The following AKAP9 variants were observed in gnomAD, a reference collection of about 807,000 sequenced individuals.
AKAP9 encodes A-kinase anchoring protein 9.
A neutral mutation model predicts 488.5 loss-of-function variants in AKAP9; 311 were observed. That is an observed-to-expected ratio of 0.64 (90% confidence interval 0.58 to 0.70). The LOEUF is 0.70. AKAP9 is among the 30% of genes least tolerant of loss of function. The probability of loss-of-function intolerance (pLI) is 0.00; values close to 1 mark genes in which losing one functional copy is unlikely to be tolerated. For missense variants in AKAP9, 4,215 were observed against 4,374.5 expected (o/e 0.96, Z 1.03); for synonymous variants, 1,462 against 1,483.5 (o/e 0.99, Z 0.33).
At chr7:91,944,079 G>T (rs1006896242) in intron 1 of AKAP9, among the ~76,000 whole-genome samples, 2 of 151,958 alleles carry the variant, frequency 1.3e-5, no homozygotes, top group Admixed American at 6.6e-5. Context: ...ATAGTATACT[G>T]TATAAAATGT....
intron 16 of AKAP9, among the ~76,000 whole-genome samples, chr7:92,032,199 T>G (rs1168733779): frequency 6.6e-6 from 1 of 152,176 alleles, no homozygotes; most frequent in Non-Finnish European, 1.5e-5. Flanking sequence ...CCTGATTGGC[T>G]TTTAATATTG....
intron 3 of AKAP9, among the ~76,000 whole-genome samples, chr7:91,990,731 G>T (rs760103516): frequency 6.6e-6 from 1 of 152,080 alleles, no homozygotes; most frequent in Non-Finnish European, 1.5e-5. Context: ...ACTGATAACT[G>T]ATTCATGTAA....
At chr7:91,971,798 T>C (rs1171116260) in intron 1 of AKAP9, among the ~76,000 whole-genome samples, 1 of 151,630 alleles carries the variant, frequency 6.6e-6, no homozygotes, top group Non-Finnish European at 1.5e-5. Context: ...CTCGATCTCC[T>C]GACCTCGTGA....
At chr7:92,055,389 T>C (rs1407511086) in intron 22 of AKAP9, among the ~76,000 whole-genome samples, 2 of 152,112 alleles carry the variant, frequency 1.3e-5, no homozygotes, top group African/African-American at 4.8e-5. Flanking sequence ...GTCAGGGTAA[T>C]GTTTGCAGGT....
intron 5 of AKAP9, among the ~76,000 whole-genome samples, chr7:91,994,225 C>T (rs1476711550): frequency 6.6e-6 from 1 of 152,104 alleles, no homozygotes; most frequent in Non-Finnish European, 1.5e-5. Flanking sequence ...CTGTCTATGG[C>T]AGTCAGTTAT....
At chr7:92,085,850 T>C (rs1223915395) in intron 36 of AKAP9, among the ~76,000 whole-genome samples, 164 bp downstream of exon 36, 1 of 152,156 alleles carries the variant, frequency 6.6e-6, no homozygotes, top group Non-Finnish European at 1.5e-5. Context: ...ATGCCTGTAA[T>C]CCCAGCACTT....
intron 1 of AKAP9, among the ~76,000 whole-genome samples, chr7:91,949,545 T>C (rs1470965953): frequency 1.3e-5 from 2 of 152,216 alleles, no homozygotes; most frequent in Admixed American, 1.3e-4. Flanking sequence ...ATTTTAAACA[T>C]GGGGGATCTG....
intron 1 of AKAP9, among the ~76,000 whole-genome samples, chr7:91,954,285 C>A (rs930560072): frequency 2.6e-5 from 4 of 152,108 alleles, no homozygotes; most frequent in African/African-American, 9.7e-5. Context: ...ACTAAATATA[C>A]CCTTATTTAT....
At position 92,070,930 on chromosome 7, in the gene AKAP9, C is replaced by G. The variant is rs772182187; in HGVS notation, c.6533C>G (p.Ala2178Gly). The G allele has an allele frequency of 6.2e-7, 1 of 1,612,994 alleles. No individual in the cohort carries two copies. Among genetic ancestry groups the G allele is most frequent in the East Asian group, 2.2e-5 (1 of 44,852 alleles). ...GTAGAGGACCGAAAACACTTTGGAG[C>G]TGTAGAAGCTAAACCAGAATTGTCC... ...QKVEDRKHFG[A>G]VEAKPELSLE... Residue 2178 changes from alanine (A) to glycine (G), a missense_variant, in exon 28 of 50, where the codon GCT (alanine) becomes GGT (glycine). Coordinates refer to ENST00000356239, the MANE Select transcript of AKAP9 (RefSeq NM_005751.5).
chr7:92,062,632 G>GAGAT (rs1291190398), intron 24 of AKAP9, 146 bp downstream of exon 24: 1 of 699,692 alleles, frequency 1.4e-6, no homozygotes, highest in Non-Finnish European at 2.4e-6. Flanking sequence ...ATCTACCTTA[G>GAGAT]AGATAAATGT....
intron 1 of AKAP9, among the ~76,000 whole-genome samples, chr7:91,968,958 A>G (rs552104743): frequency 6.6e-6 from 1 of 151,896 alleles, no homozygotes; most frequent in Non-Finnish European, 1.5e-5. Flanking sequence ...TGTAGCCTCT[A>G]CCTCCTGGGC....
intron 1 of AKAP9, among the ~76,000 whole-genome samples, chr7:91,969,091 TG>T (rs1794754849): frequency 2.0e-5 from 3 of 151,892 alleles, no homozygotes; most frequent in African/African-American, 7.2e-5. Context: ...AGTGAAATCT[TG>T]TTGCCCAGGT....
At chr7:91,964,081 C>CAT (rs1293716453) in intron 1 of AKAP9, among the ~76,000 whole-genome samples, 1 of 152,060 alleles carries the variant, frequency 6.6e-6, no homozygotes, top group African/African-American at 2.4e-5. Context: ...AAATCTATTG[C>CAT]ATAACAAAAG....
chr7:92,060,931 G>A (rs182664347), intron 22 of AKAP9, among the ~76,000 whole-genome samples: 1 of 152,146 alleles, frequency 6.6e-6, no homozygotes, highest in East Asian at 1.9e-4. Context: ...TACAATAAAC[G>A]CCTGTGCTTC....
At position 91,941,247 on chromosome 7, in the gene AKAP9, C is replaced by T. The variant is rs1368897641; in HGVS notation, c.48+100C>T. ...CGGAGTTCGCCGCAGCCCCAGTGCACTGCCCGAGAGGGAGGTGCTGCAGGG... is the reference window on the plus strand; with the variant it reads ...CGGAGTTCGCCGCAGCCCCAGTGCATTGCCCGAGAGGGAGGTGCTGCAGGG... On this transcript the variant is annotated intron_variant, in intron 1 of 49. Transcript: ENST00000356239. 5 of 1,205,252 alleles carry T rather than the reference C, an allele frequency of 4.1e-6. No individual in the cohort carries two copies. In the South Asian group the frequency reaches 6.1e-5, roughly 15 times the overall value. The allele number at this position is 1,205,252 out of a possible 1,614,324, so 74.7% of individuals were successfully genotyped here. A position where few individuals can be genotyped will look rare whatever the true frequency, so the allele number is the denominator to read the frequency against.
intron 16 of AKAP9, among the ~76,000 whole-genome samples, chr7:92,032,515 A>G (rs1360532112): frequency 6.6e-6 from 1 of 150,916 alleles, no homozygotes; most frequent in African/African-American, 2.5e-5. Flanking sequence ...AAAAAAAAAG[A>G]TATATGTATA....
At chr7:91,978,748 T>G (rs1003439365) in intron 2 of AKAP9, among the ~76,000 whole-genome samples, 1 of 147,894 alleles carries the variant, frequency 6.8e-6, no homozygotes, top group Non-Finnish European at 1.5e-5. Flanking sequence ...TTTATTGATT[T>G]ATTTTAATTA....
chr7:92,096,387 G>C (rs575916934), intron 40 of AKAP9, among the ~76,000 whole-genome samples: 1 of 149,942 alleles, frequency 6.7e-6, no homozygotes, highest in African/African-American at 2.5e-5. Flanking sequence ...CACGCTGGAG[G>C]GCAGTGGTGC....
intron 4 of AKAP9, 143 bp downstream of exon 4, chr7:91,992,354 C>T (rs1797855765): frequency 1.3e-6 from 1 of 747,006 alleles, no homozygotes; most frequent in African/African-American, 1.7e-5. Flanking sequence ...ACAAAGTTAT[C>T]TACCATTTAT....
Sources: gnomAD v4.1 joint callset for allele counts (sites outside exome capture counted in the v4.1 genomes callset) on GRCh38, gnomAD v4.1.1 for gene constraint, MANE v1.5 for transcripts, NCBI Gene and HGNC (gene_info 2026-07-23, HGNC 2026-07-21) for gene names.